Variants in PRKG1 observed in about 807,000 individuals in gnomAD.
PRKG1 encodes protein kinase cGMP-dependent 1.
PRKG1 carries 35 observed loss-of-function variants against 88.1 expected under a neutral mutation model. The observed-to-expected ratio is 0.40, with a 90% CI of 0.30 to 0.53. PRKG1 has a LOEUF of 0.53. Ranked by LOEUF, PRKG1 falls within the 20% of genes least tolerant of loss-of-function variation. The probability of loss-of-function intolerance (pLI) is 0.59; values close to 1 mark genes in which losing one functional copy is unlikely to be tolerated. For missense variants in PRKG1, 540 were observed against 839.8 expected, an observed-to-expected ratio of 0.64 and a Z score of 4.41; for synonymous variants, 303 against 292.5, an observed-to-expected ratio of 1.04 and a Z score of -0.37.
intron 2 of PRKG1, among the ~76,000 whole-genome samples, chr10:51,330,146 TTTTTTATTTA>T (rs1750647165): frequency 7.6e-6 from 1 of 130,836 alleles, no homozygotes; most frequent in African/African-American, 2.7e-5. Flanking sequence ...TATTTATTTA[TTTTTTATTTA>T]TTTTTTTTTT....
At chr10:51,772,550 T>G (rs1291424030) in intron 3 of PRKG1, among the ~76,000 whole-genome samples, 1 of 152,032 alleles carries the variant, frequency 6.6e-6, no homozygotes, top group Non-Finnish European at 1.5e-5. Flanking sequence ...GTCTGGTAAA[T>G]TATGCAAAAA....
At chr10:51,117,271 T>C (rs938015842) in intron 1 of PRKG1, among the ~76,000 whole-genome samples, 1 of 152,214 alleles carries the variant, frequency 6.6e-6, no homozygotes, top group Admixed American at 6.5e-5. Flanking sequence ...TAATGCTTCT[T>C]TGTGCACAGT....
chr10:51,612,763 T>C (rs1838944762), intron 3 of PRKG1, among the ~76,000 whole-genome samples: 1 of 152,016 alleles, frequency 6.6e-6, no homozygotes, highest in South Asian at 2.1e-4. Context: ...GTTTATCATA[T>C]AGGGCCTTTA....
At position 51,652,976 on chromosome 10, in the gene PRKG1, T is replaced by C. The variant is rs1840076887; in HGVS notation, c.593-151609T>C. Among the ~76,000 whole-genome samples, 4 of 152,358 alleles carry C rather than the reference T, an allele frequency of 2.6e-5. No individual in the cohort carries two copies. In the South Asian group the frequency reaches 8.3e-4, roughly 32 times the overall value. ...GTGAAATCATGTGGTATTTGTCTTC[T>C]GTGCCTAGCTTATTTCACTTAGTAT... is the stretch of plus-strand genomic sequence containing the variant. On this transcript the variant is annotated intron_variant, in intron 3 of 17. Transcript: ENST00000373980.
chr10:51,034,669 TATATATATATATATATATATA>T (rs746397009), intron 1 of PRKG1, among the ~76,000 whole-genome samples: 32 of 29,228 alleles, frequency 1.1e-3, no homozygotes, highest in East Asian at 4.1e-3. Context: ...ATATGTTATT[TATATATATATATATATATATA>T]TATATATATA....
intron 1 of PRKG1, among the ~76,000 whole-genome samples, chr10:51,045,092 T>G (rs1370739712): frequency 1.3e-5 from 2 of 152,186 alleles, no homozygotes; most frequent in African/African-American, 4.8e-5. Context: ...TTAAAACACT[T>G]TTAATACATT....
intron 1 of PRKG1, among the ~76,000 whole-genome samples, chr10:51,109,682 C>G (rs1325882828): frequency 6.6e-6 from 1 of 152,024 alleles, no homozygotes; most frequent in East Asian, 1.9e-4. Flanking sequence ...AAACTTAGCG[C>G]ACTTGGGTTT....
intron 2 of PRKG1, among the ~76,000 whole-genome samples, chr10:51,207,769 G>T (rs550567102): frequency 2.4e-3 from 368 of 152,246 alleles, no homozygotes; most frequent in Non-Finnish European, 4.0e-3. Flanking sequence ...AACTCTTAAA[G>T]AAAATGTGTA....
chr10:51,575,843 AATAG>A (rs1051507882), intron 3 of PRKG1, among the ~76,000 whole-genome samples: 24 of 151,954 alleles, frequency 1.6e-4, no homozygotes, highest in Admixed American at 9.9e-4. Flanking sequence ...CAATTTTAAA[AATAG>A]ATAGGTTGAA....
chr10:52,272,623 G>A, intron 12 of PRKG1, 142 bp downstream of exon 12: 2 of 659,396 alleles, frequency 3.0e-6, no homozygotes, highest in Non-Finnish European at 5.2e-6. Context: ...GTAAGCACAG[G>A]GCATAACCCA....
At chr10:52,088,590 T>C (rs1360537794) in intron 7 of PRKG1, among the ~76,000 whole-genome samples, 3 of 152,134 alleles carry the variant, frequency 2.0e-5, no homozygotes, top group Non-Finnish European at 4.4e-5. Flanking sequence ...CTTTTTCCCT[T>C]CCATCTCCCA....
intron 2 of PRKG1, chr10:51,245,214 A>G (rs527893311): frequency 6.6e-6 from 1 of 152,200 alleles, no homozygotes; most frequent in South Asian, 2.1e-4. Flanking sequence ...TTTTACTCTG[A>G]ATATGAGAGG....
intron 9 of PRKG1, among the ~76,000 whole-genome samples, chr10:52,204,508 TCATGGACA>T (rs1839764057): frequency 6.6e-6 from 1 of 152,172 alleles, no homozygotes; most frequent in Non-Finnish European, 1.5e-5. Context: ...TGTGAAGATT[TCATGGACA>T]TTTATTAGTA....
intron 5 of PRKG1, among the ~76,000 whole-genome samples, chr10:51,949,298 T>C (rs1015188868): frequency 2.0e-5 from 3 of 152,094 alleles, no homozygotes; most frequent in African/African-American, 7.2e-5. Flanking sequence ...ATAAACCTAG[T>C]TGCATTGGGC....
intron 7 of PRKG1, among the ~76,000 whole-genome samples, chr10:52,110,527 A>G (rs1247062067): frequency 6.6e-6 from 1 of 152,082 alleles, no homozygotes; most frequent in Non-Finnish European, 1.5e-5. Flanking sequence ...TTTTTTTCTC[A>G]ATTGAGAAAT....
chr10:51,120,807 C>T (rs1186761819), intron 1 of PRKG1, among the ~76,000 whole-genome samples: 1 of 152,064 alleles, frequency 6.6e-6, no homozygotes, highest in East Asian at 1.9e-4. Flanking sequence ...CCTATTGTTG[C>T]TGTAACAATA....
intron 5 of PRKG1, among the ~76,000 whole-genome samples, chr10:52,005,898 A>G (rs1186380048): frequency 6.6e-6 from 1 of 152,122 alleles, no homozygotes; most frequent in East Asian, 1.9e-4. Flanking sequence ...CAACCTGGCA[A>G]GGATATGGCT....
chr10:51,133,004 C>T (rs1311484242), intron 1 of PRKG1, among the ~76,000 whole-genome samples: 1 of 152,002 alleles, frequency 6.6e-6, no homozygotes, highest in Non-Finnish European at 1.5e-5. Context: ...GGGTTGGAGG[C>T]TTGGTGTCTG....
intron 4 of PRKG1, among the ~76,000 whole-genome samples, chr10:51,852,373 C>CAG (rs1202921117): frequency 2.0e-5 from 3 of 149,628 alleles, no homozygotes; most frequent in African/African-American, 7.5e-5. Flanking sequence ...CACACACACA[C>CAG]ATAGAGAGAG....
Sources: allele counts gnomAD v4.1 joint callset (sites outside exome capture counted in the v4.1 genomes callset), GRCh38; gene constraint gnomAD v4.1.1; transcripts MANE v1.5; gene names NCBI Gene and HGNC (gene_info 2026-07-23, HGNC 2026-07-21).